The following SCN3A variants were observed in gnomAD, a reference collection of about 807,000 sequenced individuals.
The protein encoded by SCN3A is sodium voltage-gated channel alpha subunit 3, also known as sodium channel protein type 3 subunit alpha.
A neutral mutation model predicts 187.6 loss-of-function variants in SCN3A; 60 were observed. The ratio of observed to expected loss-of-function variants is 0.32; its 90% confidence interval spans 0.26 to 0.40. The LOEUF is 0.40. Ranked by LOEUF, SCN3A falls within the 10% of genes least tolerant of loss-of-function variation. The probability of loss-of-function intolerance (pLI) is 1.00; values close to 1 mark genes in which losing one functional copy is unlikely to be tolerated. For missense variants in SCN3A, 1,601 were observed against 2,428.2 expected (o/e 0.66, Z 7.16); for synonymous variants, 788 against 829.2 (o/e 0.95, Z 0.85).
At chr2:165,114,271 C>T (rs1018722955) in intron 19 of SCN3A, among the ~76,000 whole-genome samples, 1 of 152,110 alleles carries the variant, frequency 6.6e-6, no homozygotes, top group African/African-American at 2.4e-5. Context: ...GAAAATAGTC[C>T]AGGTGCATCT....
Position 165,127,851 on chromosome 2 carries a change from C to T in SCN3A, c.3173G>A (p.Ser1058Asn). 1.9e-6 allele frequency: 3 copies of T among 1,614,166 alleles called. No homozygotes were observed. The highest frequency in any genetic ancestry group is 2.5e-6 in the Non-Finnish European group (3 of 1,180,014). The change falls in exon 18 of 28, where the codon AGC becomes AAC. Residue 1058 changes from serine to asparagine, a missense_variant. By Grantham distance (46) the Ser-to-Asn change is conservative (BLOSUM62 1). Around this residue, in one of 11 missense-constraint regions of SCN3A, gnomAD observed 267 missense variants for 313.2 expected, o/e 0.85. Coordinates refer to ENST00000283254, the MANE Select transcript of SCN3A (RefSeq NM_006922.4). ...CMSNNTGIEI[S>N]KELNYLRDGN... ...ATCTCTAAGATAATTAAGCTCTTTG[C>T]TTATTTCAATTCCAGTATTATTGGA...
chr2:165,138,776 T>G (rs1015677593), intron 14 of SCN3A, among the ~76,000 whole-genome samples: 2 of 152,316 alleles, frequency 1.3e-5, no homozygotes, highest in East Asian at 3.9e-4. Context: ...AGACATGATA[T>G]AAAATGTAAT....
chr2:165,113,705 C>T (rs1574130872), intron 20 of SCN3A, 111 bp downstream of exon 20: 5 of 1,206,000 alleles, frequency 4.1e-6, no homozygotes, highest in Non-Finnish European at 6.1e-6. Flanking sequence ...CTCTGCAAGA[C>T]ACAGATATGC....
At position 165,113,061 on chromosome 2, in the gene SCN3A, A is replaced by G. The variant is rs753923035; in HGVS notation, c.3670-3T>C. 3.1e-6 allele frequency: 5 copies of G among 1,607,670 alleles called. No individual in the cohort carries two copies. In the East Asian group the frequency reaches 8.9e-5, roughly 29 times the overall value. On this transcript the variant is annotated splice_polypyrimidine_tract_variant and splice_region_variant and intron_variant, in intron 20 of 27. Coordinates refer to ENST00000283254, the MANE Select transcript of SCN3A (RefSeq NM_006922.4). ...TCAATGTATATATCTTCAAAGGCCTATGAATCAAAAATATTTTATTTTACT... is the reference window on the plus strand; with the variant it reads ...TCAATGTATATATCTTCAAAGGCCTGTGAATCAAAAATATTTTATTTTACT...
rs868845131 is a variant in SCN3A at position 165,140,582 on chromosome 2, A to T, written c.2019+69T>A. ...GGAAGCAGGACGGTATGACAGCCTA[A>T]ACTGTCCAGGCTTTGATTATTTCAA... On this transcript the variant is annotated intron_variant, in intron 13 of 27. Coordinates refer to ENST00000283254, the MANE Select transcript of SCN3A (RefSeq NM_006922.4). This position sits in a 1 kb window ranked among gnomAD's most constrained non-coding sequence, Gnocchi z 4.2. The T allele has an allele frequency of 2.9e-6, 4 of 1,393,970 alleles. No homozygotes were observed. The Middle Eastern group carries it at 5.5e-4, about 190-fold the overall frequency. 86.4% of individuals were successfully genotyped at this position (1,393,970 alleles called of 1,614,324 possible). A position where few individuals can be genotyped will look rare whatever the true frequency, so the allele number is the denominator to read the frequency against.
intron 1 of SCN3A, chr2:165,195,261 AG>A (rs1691874448): frequency 6.6e-6 from 1 of 152,174 alleles, no homozygotes; most frequent in Non-Finnish European, 1.5e-5. Context: ...AAGAGGTGAG[AG>A]GGAAGATGCC....
chr2:165,112,866 A>T lies in SCN3A; in HGVS notation c.3843+19T>A. ...CCTCTTTTAAAAACAATTTTATAAA[A>T]ATCACTTAAAATACTTACATCAACG... On this transcript the variant is annotated intron_variant, in intron 21 of 27. Transcript: ENST00000283254. 6.2e-7 allele frequency: 1 copy of T among 1,607,162 alleles called. No individual in the cohort carries two copies.
intron 22 of SCN3A, 50 bp downstream of exon 22, chr2:165,100,252 T>G (rs371241102): frequency 6.3e-7 from 1 of 1,588,958 alleles, no homozygotes; most frequent in South Asian, 1.1e-5. Flanking sequence ...TCTAAATCAT[T>G]ACCTACATGT....
At chr2:165,154,023 A>G (rs990440232) in intron 11 of SCN3A, among the ~76,000 whole-genome samples, 34 of 129,910 alleles carry the variant, frequency 2.6e-4, no homozygotes, top group Admixed American at 1.3e-3. Flanking sequence ...CAGAAATCCC[A>G]AAGAATTGTT....
Position 165,089,949 on chromosome 2 carries a change from C to A in SCN3A, c.*201G>T, listed in dbSNP as rs140241505. ...TGTCAGCTGGTAATAAAAACAGCAA[C>A]CTCTTGTCAATGTTGATACCCTGCT... On this transcript the variant is annotated 3_prime_UTR_variant, in exon 28 of 28. Transcript: ENST00000283254. The A allele has an allele frequency of 1.7e-4, 114 of 671,752 alleles. No homozygotes were observed. Among genetic ancestry groups the A allele is most frequent in the African/African-American group, 8.7e-4 (48 of 55,134 alleles). 41.6% of individuals were successfully genotyped at this position (671,752 alleles called of 1,614,324 possible). A position where few individuals can be genotyped will look rare whatever the true frequency, so the allele number is the denominator to read the frequency against.
At chr2:165,120,895 C>T (rs188557475) in intron 18 of SCN3A, among the ~76,000 whole-genome samples, 46 of 151,720 alleles carry the variant, frequency 3.0e-4, no homozygotes, top group African/African-American at 1.1e-3. Flanking sequence ...GTACAACATC[C>T]CCGGAGCTTC....
intron 7 of SCN3A, 21 bp from the exon 8 acceptor site, chr2:165,162,849 G>A (rs749131107): frequency 1.2e-6 from 2 of 1,613,602 alleles, no homozygotes; most frequent in Non-Finnish European, 8.5e-7. Context: ...AGAACTATAG[G>A]TTACCTGAGG....
rs1685014385 is a variant in SCN3A at position 165,090,229 on chromosome 2, T to G, written c.5924A>C (p.Lys1975Thr). Residue 1975 changes from lysine (K) to threonine (T), a missense_variant, in exon 28 of 28, where the codon AAA becomes ACA. Lys to Thr is a moderately conservative substitution (Grantham distance 78). Coordinates refer to ENST00000283254, the MANE Select transcript of SCN3A (RefSeq NM_006922.4). This position sits in a 1 kb window ranked among gnomAD's most constrained non-coding sequence, Gnocchi z 4.0. The part of the protein sequence containing the change: ...TSPPSYDSVT[K>T]PDKEKFEKDK... ...TTTCTCAAACTTTTCCTTGTCTGGT[T>G]TTGTTACACTATCATAGGAAGGAGG... 6.2e-7 allele frequency: 1 copy of G among 1,609,816 alleles called. No individual in the cohort carries two copies.
intron 3 of SCN3A, among the ~76,000 whole-genome samples, chr2:165,173,893 A>C (rs1308818600): frequency 6.6e-6 from 1 of 152,210 alleles, no homozygotes; most frequent in Non-Finnish European, 1.5e-5. Flanking sequence ...AAGATGGTTC[A>C]CAGCCACTAT....
intron 12 of SCN3A, among the ~76,000 whole-genome samples, chr2:165,142,197 A>G (rs1688050837): frequency 6.6e-6 from 1 of 152,196 alleles, no homozygotes; most frequent in South Asian, 2.1e-4. Flanking sequence ...TCAGCAGCAA[A>G]CATTCCTGGA....
At chr2:165,123,820 A>G (rs1374065113) in intron 18 of SCN3A, among the ~76,000 whole-genome samples, 1 of 152,172 alleles carries the variant, frequency 6.6e-6, no homozygotes, top group Non-Finnish European at 1.5e-5. Flanking sequence ...AATCTGCTCT[A>G]TGATATTAGA....
At position 165,092,611 on chromosome 2, in the gene SCN3A, T is replaced by TCC; in HGVS notation, c.4537-88_4537-87insGG. Reference sequence around the variant, plus strand: ...AAATTGTAGATAAAGCCCTTCCACATACGGGATGGATGTGCACCCTCCTCA... The same window carrying TCC: ...AAATTGTAGATAAAGCCCTTCCACATCCACGGGATGGATGTGCACCCTCCTCA... On this transcript the variant is annotated intron_variant, in intron 26 of 27. Coordinates refer to ENST00000283254, the MANE Select transcript of SCN3A (RefSeq NM_006922.4). This position sits in a 1 kb window ranked among gnomAD's most constrained non-coding sequence, Gnocchi z 4.2. 20 of 1,261,226 alleles carry TCC rather than the reference T, an allele frequency of 1.6e-5. No homozygotes were observed. The highest frequency in any genetic ancestry group is 2.2e-5 in the Non-Finnish European group (19 of 874,580). 78.1% of individuals were successfully genotyped at this position (1,261,226 alleles called of 1,614,324 possible).
rs377564078 is a variant in SCN3A, at chr2:165,178,473, G to A, written c.-50-2029C>T. On this transcript the variant is annotated intron_variant, in intron 2 of 27. Coordinates refer to ENST00000283254, the MANE Select transcript of SCN3A (RefSeq NM_006922.4). ...TCAAACGCTTGGGCTCAAGCCATCC[G>A]CCCGCCTCGGCCTCCCAAAGTGCTA... Among the ~76,000 whole-genome samples the A allele has an allele frequency of 6.4e-4, 98 of 152,202 alleles. No individual in the cohort carries two copies. In the East Asian group the frequency reaches 0.013, roughly 20 times the overall value.
intron 15 of SCN3A, among the ~76,000 whole-genome samples, chr2:165,135,595 T>G (rs2105792561): frequency 6.6e-6 from 1 of 152,238 alleles, no homozygotes; most frequent in South Asian, 2.1e-4. Flanking sequence ...TAGAAATTCT[T>G]TCTTTCTCTC....
Sources: allele counts gnomAD v4.1 joint callset (sites outside exome capture counted in the v4.1 genomes callset), GRCh38; gene constraint gnomAD v4.1.1; regional missense constraint gnomAD v4.1.1; non-coding constraint Gnocchi (gnomAD v3.1); transcripts MANE v1.5; gene names NCBI Gene and HGNC (gene_info 2026-07-23, HGNC 2026-07-21).